Variants in MAP3K3 observed in about 807,000 individuals in gnomAD.
The protein encoded by MAP3K3 is mitogen-activated protein kinase kinase kinase 3.
MAP3K3 carries 12 observed loss-of-function variants against 80.9 expected under a neutral mutation model. The ratio of observed to expected loss-of-function variants is 0.15; its 90% confidence interval spans 0.10 to 0.24. MAP3K3 has a LOEUF of 0.24. Ranked by LOEUF, MAP3K3 falls within the 10% of genes least tolerant of loss-of-function variation. MAP3K3 has a pLI of 1.00. For synonymous variants in MAP3K3, 272 were observed against 307.1 expected (o/e 0.89, Z 1.19); for missense variants, 596 against 834.7 (o/e 0.71, Z 3.52).
chr17:63,666,802 G>A, intron 5 of MAP3K3, 138 bp from the exon 6 acceptor site: 1 of 858,256 alleles, frequency 1.2e-6, no homozygotes, highest in Non-Finnish European at 1.8e-6. Flanking sequence ...TGAGATTTGG[G>A]GGAAAGCTGG....
intron 1 of MAP3K3, among the ~76,000 whole-genome samples, chr17:63,627,771 A>G (rs1462976965): frequency 1.3e-5 from 2 of 151,838 alleles, no homozygotes; most frequent in Non-Finnish European, 2.9e-5. Context: ...TTTTGTAGAG[A>G]TGGGGTTTTG....
At chr17:63,648,143 G>T (rs1207727255) in intron 3 of MAP3K3, among the ~76,000 whole-genome samples, 1 of 152,230 alleles carries the variant, frequency 6.6e-6, no homozygotes, top group African/African-American at 2.4e-5. Context: ...AAAAATGCCT[G>T]TTATTCAATA....
intron 2 of MAP3K3, among the ~76,000 whole-genome samples, chr17:63,639,617 ACT>A (rs1299618819): frequency 1.3e-5 from 2 of 151,686 alleles, no homozygotes; most frequent in East Asian, 3.9e-4. Flanking sequence ...ATGTATCCTC[ACT>A]CTGATTCTGT....
chr17:63,670,567 A>T (rs1326147807), intron 6 of MAP3K3, among the ~76,000 whole-genome samples: 14 of 132,820 alleles, frequency 1.1e-4, no homozygotes, highest in African/African-American at 3.6e-4. Flanking sequence ...TGGGTGACAG[A>T]GTGAGTGAGA....
chr17:63,623,127 C>CCCGG (rs2143093196), intron 1 of MAP3K3, among the ~76,000 whole-genome samples: 2 of 152,184 alleles, frequency 1.3e-5, no homozygotes, highest in East Asian at 3.9e-4. Context: ...CAGTGTGGGG[C>CCCGG]CCGGGCTGGA....
chr17:63,643,844 G>T (rs1304479444), intron 2 of MAP3K3, among the ~76,000 whole-genome samples: 2 of 149,568 alleles, frequency 1.3e-5, no homozygotes, highest in African/African-American at 5.1e-5. Context: ...CATGGTAACT[G>T]TTTAGAATTT....
chr17:63,676,535 T>C (rs1029505336), intron 6 of MAP3K3, among the ~76,000 whole-genome samples: 1 of 152,330 alleles, frequency 6.6e-6, no homozygotes, highest in Non-Finnish European at 1.5e-5. Context: ...TTTTATTTGT[T>C]CTAGGTAAAA....
At chr17:63,685,793 CA>C (rs2035436028) in intron 8 of MAP3K3, among the ~76,000 whole-genome samples, 1 of 152,196 alleles carries the variant, frequency 6.6e-6, no homozygotes, top group African/African-American at 2.4e-5. Flanking sequence ...AATAGCAGCT[CA>C]TTTATTAAGT....
intron 2 of MAP3K3, 46 bp downstream of exon 2, chr17:63,632,848 G>T (rs759623089): frequency 6.2e-7 from 1 of 1,609,510 alleles, no homozygotes; most frequent in Non-Finnish European, 8.5e-7. Flanking sequence ...TTGGGGAGGG[G>T]TTTTCAAATG....
chr17:63,694,509 G>A lies in MAP3K3; in HGVS notation c.*732G>A, dbSNP rs945403251. 2 of 152,728 alleles carry A rather than the reference G, an allele frequency of 1.3e-5. No individual in the cohort carries two copies. The highest frequency in any genetic ancestry group is 4.8e-5 in the African/African-American group (2 of 41,464). The allele number at this position is 152,728 out of a possible 1,614,324, so 9.5% of individuals were successfully genotyped here. On this transcript the variant is annotated 3_prime_UTR_variant, in exon 16 of 16. Transcript: ENST00000361733. ...AGTTGTCTCTGTTTTACAAGTTGGA[G>A]TCACTCTTATGCTGTACCCAGTTTC... is the stretch of plus-strand genomic sequence containing the variant.
intron 6 of MAP3K3, among the ~76,000 whole-genome samples, chr17:63,678,464 G>A (rs1020927063): frequency 9.2e-5 from 14 of 152,146 alleles, no homozygotes; most frequent in Non-Finnish European, 1.2e-4. Flanking sequence ...GAGATGTTGA[G>A]ACAGGAAATC....
At chr17:63,688,443 GT>G in intron 8 of MAP3K3, 83 bp from the exon 9 acceptor site, 2 of 1,065,310 alleles carry the variant, frequency 1.9e-6, no homozygotes, top group Non-Finnish European at 2.9e-6. Flanking sequence ...TGTGGCAGGG[GT>G]TAGAAAGGGA....
chr17:63,691,712 C>G lies in MAP3K3; in HGVS notation c.1345-21C>G, dbSNP rs1450935496. 28 of 1,610,142 alleles carry G rather than the reference C, an allele frequency of 1.7e-5. No individual in the cohort carries two copies. Among genetic ancestry groups the G allele is most frequent in the Non-Finnish European group, 2.4e-5 (28 of 1,177,300 alleles). On this transcript the variant is annotated intron_variant, in intron 13 of 15. Coordinates refer to ENST00000361733, the MANE Select transcript of MAP3K3 (RefSeq NM_002401.5). This position sits in a 1 kb window ranked among gnomAD's most constrained non-coding sequence, Gnocchi z 4.8. ...CCAGCCCTCCCCTGAGGGGACTCCT[C>G]TGACTTCTTGTGGCCTCCAGGGCTC...
rs2034013089 is a variant in MAP3K3, at chr17:63,622,745, G to GCCGCCATCGCCA, written c.-12_-1dup. Reference sequence around the variant, plus strand: ...ACACTCACGGACCTTAGCCACCGCCGCCGCCATCGCCACCATGGGTAAGTG... The same window carrying GCCGCCATCGCCA: ...ACACTCACGGACCTTAGCCACCGCCGCCGCCATCGCCACCGCCATCGCCACCATGGGTAAGTG... On this transcript the variant is annotated 5_prime_UTR_variant, in exon 1 of 16. Coordinates refer to ENST00000361733, the MANE Select transcript of MAP3K3 (RefSeq NM_002401.5). 1 of 521,570 alleles carries GCCGCCATCGCCA rather than the reference G, an allele frequency of 1.9e-6. No individual in the cohort carries two copies. The allele number at this position is 521,570 out of a possible 1,614,324, so 32.3% of individuals were successfully genotyped here. A position where few individuals can be genotyped will look rare whatever the true frequency, so the allele number is the denominator to read the frequency against.
At chr17:63,645,929 A>C (rs2034532368) in intron 2 of MAP3K3, 105 bp from the exon 3 acceptor site, 1 of 795,138 alleles carries the variant, frequency 1.3e-6, no homozygotes. Flanking sequence ...GCCATCAGGG[A>C]TGTATGCCTA....
intron 5 of MAP3K3, among the ~76,000 whole-genome samples, chr17:63,663,880 C>CA (rs1440911566): frequency 6.6e-6 from 1 of 151,532 alleles, no homozygotes; most frequent in Admixed American, 6.6e-5. Flanking sequence ...GACCCTGTCT[C>CA]AAAAACAAAA....
intron 3 of MAP3K3, 48 bp downstream of exon 3, chr17:63,646,122 C>A (rs372488037): frequency 1.9e-6 from 3 of 1,551,430 alleles, no homozygotes; most frequent in Non-Finnish European, 2.7e-6. Flanking sequence ...TGCCAAAGTT[C>A]TCAGATAGCA....
chr17:63,668,905 G>A (rs867183092), intron 6 of MAP3K3, among the ~76,000 whole-genome samples: 16 of 152,152 alleles, frequency 1.1e-4, no homozygotes, highest in African/African-American at 2.9e-4. Flanking sequence ...AGCAGATTCC[G>A]CCTGGGAGAG....
intron 6 of MAP3K3, chr17:63,668,269 A>C (rs1296289971): frequency 6.6e-6 from 1 of 152,172 alleles, no homozygotes; most frequent in Non-Finnish European, 1.5e-5. Context: ...TTACAGGAAA[A>C]ATATGTTTCT....
Sources: gnomAD v4.1 joint callset for allele counts (sites outside exome capture counted in the v4.1 genomes callset) on GRCh38, gnomAD v4.1.1 for gene constraint, Gnocchi (gnomAD v3.1) non-coding constraint, MANE v1.5 for transcripts, NCBI Gene and HGNC (gene_info 2026-07-23, HGNC 2026-07-21) for gene names.